SNTG1: variants seen among roughly 807,000 people sequenced by gnomAD.
SNTG1 encodes the protein gamma-1-syntrophin.
SNTG1 carries 39 observed loss-of-function variants against 74.7 expected under a neutral mutation model. The observed-to-expected ratio is 0.52, with a 90% CI of 0.40 to 0.68. The LOEUF (loss-of-function observed/expected upper bound fraction) is 0.68, where lower values mean the gene tolerates loss of function less well. Ranked by LOEUF, SNTG1 falls within the 30% of genes least tolerant of loss-of-function variation. The pLI, the probability that SNTG1 is intolerant of heterozygous loss-of-function variation, is 0.00. For missense variants in SNTG1, 685 were observed against 609.5 expected (o/e 1.12, Z -1.30); for synonymous variants, 254 against 217.1 (o/e 1.17, Z -1.49).
chr8:50,403,820 T>C (rs1369520820), intron 4 of SNTG1, among the ~76,000 whole-genome samples: 1 of 152,200 alleles, frequency 6.6e-6, no homozygotes, highest in Non-Finnish European at 1.5e-5. Context: ...TTTCTTAATC[T>C]GACAACTGTC....
At chr8:50,379,578 T>G (rs1430190358) in intron 2 of SNTG1, among the ~76,000 whole-genome samples, 1 of 152,164 alleles carries the variant, frequency 6.6e-6, no homozygotes, top group Non-Finnish European at 1.5e-5. Flanking sequence ...CACCACTCCA[T>G]GGAGCATGCA....
chr8:50,105,355 T>G (rs146658646), intron 1 of SNTG1, among the ~76,000 whole-genome samples: 1 of 152,272 alleles, frequency 6.6e-6, no homozygotes, highest in Non-Finnish European at 1.5e-5. Context: ...TAGTTTTATT[T>G]CTGCACTCTC....
intron 1 of SNTG1, among the ~76,000 whole-genome samples, chr8:50,042,275 TCCA>T (rs757132166): frequency 1.7e-4 from 26 of 152,186 alleles, no homozygotes; most frequent in Non-Finnish European, 2.6e-4. Context: ...TCTAGTCCCC[TCCA>T]CCAATTCCCA....
chr8:50,474,313 C>A (rs1395656492), intron 8 of SNTG1, among the ~76,000 whole-genome samples: 1 of 151,400 alleles, frequency 6.6e-6, no homozygotes, highest in Non-Finnish European at 1.5e-5. Flanking sequence ...AGAAAATTTT[C>A]TCAACCTACT....
chr8:50,065,058 A>C (rs1490019899), intron 1 of SNTG1, among the ~76,000 whole-genome samples: 2 of 152,248 alleles, frequency 1.3e-5, no homozygotes. Context: ...ATATAAAGCC[A>C]TAAAGTGAGT....
chr8:50,691,185 G>T (rs1206182599), intron 15 of SNTG1, among the ~76,000 whole-genome samples: 3 of 152,114 alleles, frequency 2.0e-5, no homozygotes, highest in Admixed American at 1.3e-4. Flanking sequence ...ACATTGGTGG[G>T]TCTTGACTCT....
chr8:49,997,083 A>T (rs1407953500), intron 1 of SNTG1, among the ~76,000 whole-genome samples: 1 of 152,146 alleles, frequency 6.6e-6, no homozygotes, highest in Non-Finnish European at 1.5e-5. Context: ...CTTTGAGAAT[A>T]TAAAATTTAA....
intron 8 of SNTG1, among the ~76,000 whole-genome samples, chr8:50,491,980 G>A (rs970195313): frequency 1.4e-5 from 2 of 144,686 alleles, no homozygotes; most frequent in Non-Finnish European, 3.0e-5. Flanking sequence ...GTAAGAACAT[G>A]CAGTGTTTCA....
intron 1 of SNTG1, among the ~76,000 whole-genome samples, chr8:50,114,559 T>C (rs2080737749): frequency 6.6e-6 from 1 of 152,044 alleles, no homozygotes; most frequent in Non-Finnish European, 1.5e-5. Flanking sequence ...CCAAAGGGTA[T>C]AAAGTTTCAG....
Position 50,492,389 on chromosome 8 carries a change from T to A in SNTG1, c.364-10389T>A, listed in dbSNP as rs187607532. On this transcript the variant is annotated intron_variant, in intron 8 of 18. Coordinates refer to ENST00000642720, the MANE Select transcript of SNTG1 (RefSeq NM_018967.5). ...CAAGCGTTCCTACTTCTCCACATCC[T>A]CTCCGGCATCTGTTGTTTCCTGAAT... is the stretch of plus-strand genomic sequence containing the variant. Among the ~76,000 whole-genome samples the A allele has an allele frequency of 1.5e-3, 224 of 152,314 alleles. 1 individual carries two copies. Among genetic ancestry groups the A allele is most frequent in the African/African-American group, 5.2e-3 (216 of 41,576 alleles).
chr8:50,201,249 T>G (rs1277070332), intron 2 of SNTG1, among the ~76,000 whole-genome samples: 2 of 152,224 alleles, frequency 1.3e-5, no homozygotes, highest in Non-Finnish European at 2.9e-5. Flanking sequence ...AGTGATATTT[T>G]GCTATAATAA....
At chr8:50,484,102 C>CTCTTTCTTTCTTTCTTTCTTTCTTTCTT (rs775691106) in intron 8 of SNTG1, among the ~76,000 whole-genome samples, 25 of 110,868 alleles carry the variant, frequency 2.3e-4, no homozygotes, top group African/African-American at 5.5e-4. Flanking sequence ...CTTTCTTTCT[C>CTCTTTCTTTCTTTCTTTCTTTCTTTCTT]TCTTTCTTTC....
chr8:50,624,160 G>A (rs953318119), intron 13 of SNTG1, among the ~76,000 whole-genome samples: 12 of 151,864 alleles, frequency 7.9e-5, no homozygotes, highest in Admixed American at 2.0e-4. Flanking sequence ...TATACACATA[G>A]TCATATATCA....
chr8:50,515,565 G>A lies in SNTG1; in HGVS notation c.466+12685G>A, dbSNP rs569679832. ...TAAGATCCACTGGCTTGAAATTCTC[G>A]CTGCCAGAACAGCAGTCTGAAGTTG... is the stretch of plus-strand genomic sequence containing the variant. On this transcript the variant is annotated intron_variant, in intron 9 of 18. Coordinates refer to ENST00000642720, the MANE Select transcript of SNTG1 (RefSeq NM_018967.5). Among the ~76,000 whole-genome samples the A allele has an allele frequency of 9.3e-4, 142 of 152,120 alleles. 3 individuals carry two copies. In the South Asian group the frequency reaches 0.026, roughly 28 times the overall value.
chr8:50,215,247 A>C (rs539840971), intron 2 of SNTG1, among the ~76,000 whole-genome samples: 1 of 151,978 alleles, frequency 6.6e-6, no homozygotes, highest in Non-Finnish European at 1.5e-5. Flanking sequence ...GGAGATTTTG[A>C]TGTTTTTATT....
intron 2 of SNTG1, among the ~76,000 whole-genome samples, chr8:50,366,381 T>G (rs557820017): frequency 6.6e-6 from 1 of 152,130 alleles, no homozygotes; most frequent in Non-Finnish European, 1.5e-5. Flanking sequence ...TTTAAATTGG[T>G]ATTTTTCAAA....
At chr8:50,508,149 A>G (rs1183966553) in intron 9 of SNTG1, among the ~76,000 whole-genome samples, 1 of 152,034 alleles carries the variant, frequency 6.6e-6, no homozygotes, top group African/African-American at 2.4e-5. Flanking sequence ...GTTCCTACCT[A>G]TGAGTGAGAA....
chr8:50,473,121 G>C (rs546596509), intron 8 of SNTG1, among the ~76,000 whole-genome samples: 1 of 152,260 alleles, frequency 6.6e-6, no homozygotes, highest in Admixed American at 6.5e-5. Flanking sequence ...CAAGTGTCAA[G>C]GGAGAAACCA....
At chr8:50,237,725 T>C (rs974884794) in intron 2 of SNTG1, among the ~76,000 whole-genome samples, 2 of 152,138 alleles carry the variant, frequency 1.3e-5, no homozygotes, top group African/African-American at 4.8e-5. Context: ...GCTAAAATAA[T>C]CTCAAATTTG....
Sources: allele counts gnomAD v4.1 joint callset (sites outside exome capture counted in the v4.1 genomes callset), GRCh38; gene constraint gnomAD v4.1.1; transcripts MANE v1.5; gene names NCBI Gene and HGNC (gene_info 2026-07-23, HGNC 2026-07-21).